The following ATG14 variants were observed in gnomAD, a reference collection of about 807,000 sequenced individuals.
ATG14 encodes the protein autophagy related 14.
A neutral mutation model predicts 60.4 loss-of-function variants in ATG14; 35 were observed. That is an observed-to-expected ratio of 0.58 (90% CI 0.44 to 0.77). ATG14 has a LOEUF of 0.77. Among genes scored for constraint, ATG14 ranks in the 30% least tolerant of loss-of-function variants. ATG14 has a pLI of 0.00. For synonymous variants in ATG14, 234 were observed against 228.8 expected (o/e 1.02, Z -0.21); for missense variants, 647 against 626.3 (o/e 1.03, Z -0.35).
chr14:55,393,181 A>G (rs1885249542), intron 3 of ATG14, among the ~76,000 whole-genome samples: 2 of 152,132 alleles, frequency 1.3e-5, no homozygotes, highest in Admixed American at 6.5e-5. Flanking sequence ...GGAGATTGAG[A>G]CCATCCTGGC....
intron 7 of ATG14, among the ~76,000 whole-genome samples, chr14:55,380,286 T>G (rs1885003515): frequency 6.6e-6 from 1 of 151,580 alleles, no homozygotes; most frequent in African/African-American, 2.4e-5. Flanking sequence ...ATCAAAGAAT[T>G]CAACGGCTGC....
At position 55,378,073 on chromosome 14, in the gene ATG14, C is replaced by T; in HGVS notation, c.997G>A (p.Glu333Lys). The change falls in exon 8 of 10, where the codon GAA (glutamate) becomes AAA (lysine). Residue 333 changes from glutamate (E) to lysine (K), a missense_variant and splice_region_variant. Glu to Lys is a moderately conservative substitution (Grantham distance 56, BLOSUM62 1). Coordinates refer to ENST00000247178, the MANE Select transcript of ATG14 (RefSeq NM_014924.5). ...VNLPKKLCNSEFCGENLSKQK... is the reference protein window; with the variant it reads ...VNLPKKLCNSKFCGENLSKQK... ...TTGCTTAGATTTTCGCCACAAAATTCACTGTAAAACAAACATACAATTTAT... is the reference window on the plus strand; with the variant it reads ...TTGCTTAGATTTTCGCCACAAAATTTACTGTAAAACAAACATACAATTTAT... The T allele has an allele frequency of 6.2e-7, 1 of 1,610,788 alleles. No individual in the cohort carries two copies. The highest frequency in any genetic ancestry group is 8.5e-7 in the Non-Finnish European group (1 of 1,178,682).
chr14:55,397,019 A>T (rs1885324590), intron 2 of ATG14, among the ~76,000 whole-genome samples: 1 of 152,208 alleles, frequency 6.6e-6, no homozygotes, highest in African/African-American at 2.4e-5. Flanking sequence ...ATATGGACAA[A>T]AGAAGAATGG....
intron 1 of ATG14, among the ~76,000 whole-genome samples, chr14:55,402,926 A>AAT (rs71131262): frequency 0.031 from 509 of 16,324 alleles, 16 homozygotes; most frequent in Middle Eastern, 0.045. Context: ...AAAAAAAAAA[A>AAT]ATATATATAT....
At chr14:55,405,896 G>T (rs1449465469) in intron 1 of ATG14, among the ~76,000 whole-genome samples, 2 of 151,920 alleles carry the variant, frequency 1.3e-5, no homozygotes, top group East Asian at 1.9e-4. Flanking sequence ...TGGCGGGGGG[G>T]GCAGGGGAAG....
intron 1 of ATG14, among the ~76,000 whole-genome samples, chr14:55,402,947 ATATATATATATATATATATAT>A (rs1885430922): frequency 2.7e-5 from 2 of 73,832 alleles, no homozygotes; most frequent in East Asian, 3.7e-4. Context: ...ATATATATAT[ATATATATATATATATATATAT>A]AAATAGCTGG....
Position 55,369,316 on chromosome 14 carries a change from A to C in ATG14, c.*303T>G. 2.8e-5 allele frequency: 6 copies of C among 217,292 alleles called. No homozygotes were observed. The highest frequency in any genetic ancestry group is 4.5e-5 in the Non-Finnish European group (5 of 110,796). 13.5% of individuals were successfully genotyped at this position (217,292 alleles called of 1,614,324 possible). The stretch of plus-strand genomic sequence containing the variant: ...GCCCGGTGGCCCGGGCCCAGAGGGA[A>C]CCCAAATCAACTGCTTCCTTGGCAG... On this transcript the variant is annotated 3_prime_UTR_variant, in exon 10 of 10. Transcript: ENST00000247178.
At chr14:55,390,302 C>A (rs1297440090) in intron 4 of ATG14, among the ~76,000 whole-genome samples, 1 of 152,046 alleles carries the variant, frequency 6.6e-6, no homozygotes, top group Non-Finnish European at 1.5e-5. Flanking sequence ...AACTCCTGAC[C>A]TCAGGTGATC....
At chr14:55,374,970 C>A (rs8014540) in intron 9 of ATG14, among the ~76,000 whole-genome samples, 45,071 of 152,066 alleles carry the variant, frequency 0.3, 7,061 homozygotes, top group Non-Finnish European at 0.34. Context: ...GCAGACTATA[C>A]TTCTAGTTGA....
intron 3 of ATG14, among the ~76,000 whole-genome samples, chr14:55,394,556 T>C (rs1435053121): frequency 6.6e-6 from 1 of 152,166 alleles, no homozygotes; most frequent in Non-Finnish European, 1.5e-5. Context: ...CACAACTGAA[T>C]AGCATGTACA....
At chr14:55,409,141 A>G (rs1177473207) in intron 1 of ATG14, among the ~76,000 whole-genome samples, 3 of 152,240 alleles carry the variant, frequency 2.0e-5, no homozygotes, top group African/African-American at 7.2e-5. Context: ...GATTCAAGAT[A>G]TATTTTCACA....
At chr14:55,387,434 CCTCCATAAACA>C (rs1885143402) in intron 4 of ATG14, among the ~76,000 whole-genome samples, 1 of 152,178 alleles carries the variant, frequency 6.6e-6, no homozygotes, top group Non-Finnish European at 1.5e-5. Flanking sequence ...GGAAGGCCCC[CCTCCATAAACA>C]CTCCCCAGAC....
Position 55,406,872 on chromosome 14 carries a change from T to C in ATG14, c.221+4730A>G, listed in dbSNP as rs912445318. 6.6e-5 allele frequency among the ~76,000 whole-genome samples: 10 copies of C among 152,332 alleles called. No homozygotes were observed. In the South Asian group the frequency reaches 2.1e-3, roughly 32 times the overall value. On this transcript the variant is annotated intron_variant, in intron 1 of 9. Coordinates refer to ENST00000247178, the MANE Select transcript of ATG14 (RefSeq NM_014924.5). ...TTTTGAATGGTTATTTGCTTTATAT[T>C]TTTCTGCTTGGTCAGGAAAAGAAAT...
chr14:55,372,799 C>T (rs1247570050), intron 9 of ATG14, among the ~76,000 whole-genome samples: 1 of 152,052 alleles, frequency 6.6e-6, no homozygotes, highest in Non-Finnish European at 1.5e-5. Context: ...TTAGTTTTCC[C>T]AGGAGACAGG....
At chr14:55,370,392 T>C (rs1339593402) in intron 9 of ATG14, among the ~76,000 whole-genome samples, 1 of 140,256 alleles carries the variant, frequency 7.1e-6, no homozygotes, top group Admixed American at 6.9e-5. Flanking sequence ...CCTGTACATA[T>C]TTAAAAATAT....
intron 9 of ATG14, among the ~76,000 whole-genome samples, chr14:55,371,806 AAAAC>A (rs777292854): frequency 3.3e-4 from 50 of 151,372 alleles, no homozygotes; most frequent in East Asian, 1.6e-3. Context: ...TCTGTCTCAA[AAAAC>A]AAACAAAAAA....
chr14:55,370,937 G>A (rs1426443510), intron 9 of ATG14, among the ~76,000 whole-genome samples: 2 of 152,060 alleles, frequency 1.3e-5, no homozygotes, highest in Admixed American at 6.5e-5. Flanking sequence ...CACCACGCCC[G>A]GCCGCCTTTC....
chr14:55,381,952 T>G lies in ATG14; in HGVS notation c.877+10A>C. 6.2e-7 allele frequency: 1 copy of G among 1,605,760 alleles called. No individual in the cohort carries two copies. The highest frequency in any genetic ancestry group is 8.5e-7 in the Non-Finnish European group (1 of 1,172,476). ...TATATATAGATTTCAAAGGATATGC[T>G]GCTTCTCACCAGGCCCCTGGGTTGT... On this transcript the variant is annotated intron_variant, in intron 6 of 9. Transcript: ENST00000247178.
intron 5 of ATG14, among the ~76,000 whole-genome samples, chr14:55,382,495 ATT>A (rs912929290): frequency 1.3e-5 from 2 of 151,334 alleles, no homozygotes; most frequent in African/African-American, 4.9e-5. Flanking sequence ...AACTTAAAAA[ATT>A]TTTTTTTGTA....
Sources: allele counts gnomAD v4.1 joint callset (sites outside exome capture counted in the v4.1 genomes callset), GRCh38; gene constraint gnomAD v4.1.1; transcripts MANE v1.5; gene names NCBI Gene and HGNC (gene_info 2026-07-23, HGNC 2026-07-21).